The following CR1 variants were observed in gnomAD, a reference collection of about 807,000 sequenced individuals.
CR1 encodes complement C3b/C4b receptor 1 (Knops blood group).
A neutral mutation model predicts 187.3 loss-of-function variants in CR1; 116 were observed. The ratio of observed to expected loss-of-function variants is 0.62; its 90% CI spans 0.53 to 0.72. The LOEUF (loss-of-function observed/expected upper bound fraction) is 0.72. CR1 is among the 30% of genes least tolerant of loss of function. CR1 has a pLI of 0.00. For synonymous variants in CR1, 576 were observed against 747.1 expected, an observed-to-expected ratio of 0.77 and a Z score of 3.73; for missense variants, 1,731 against 2,110.7, an observed-to-expected ratio of 0.82 and a Z score of 3.52.
chr1:207,505,341 T>G (rs2102335179), intron 1 of CR1, among the ~76,000 whole-genome samples: 1 of 151,474 alleles, frequency 6.6e-6, no homozygotes, highest in East Asian at 1.9e-4. Context: ...CTTTTTGTAT[T>G]TTGGGAGAGG....
intron 35 of CR1, among the ~76,000 whole-genome samples, chr1:207,601,634 G>A (rs951335860): frequency 2.0e-5 from 3 of 152,118 alleles, no homozygotes; most frequent in African/African-American, 7.2e-5. Flanking sequence ...AGGGGCTGAA[G>A]TCAGTTTGAT....
Position 207,609,373 on chromosome 1 carries a change from G to T in CR1, c.5980G>T (p.Val1994Leu). 6.2e-7 allele frequency: 1 copy of T among 1,613,968 alleles called. No homozygotes were observed. The highest frequency in any genetic ancestry group is 8.5e-7 in the Non-Finnish European group (1 of 1,179,888). Reference sequence around the variant, plus strand: ...AACATCTTTTCACAATGGAACGGTGGTAACTTACCAGTGCCACACTGGACC... The same window carrying T: ...AACATCTTTTCACAATGGAACGGTGTTAACTTACCAGTGCCACACTGGACC... ...NRTSFHNGTV[V>L]TYQCHTGPDG... is the part of the protein sequence containing the mutation. Residue 1994 changes from valine (V) to leucine (L), a missense_variant, in exon 37 of 47, where the codon GTA becomes TTA. By Grantham distance (32) the Val-to-Leu change is conservative. Transcript: ENST00000367049.
At position 207,587,606 on chromosome 1, in the gene CR1, A is replaced by C. The variant is rs759122603; in HGVS notation, c.5710+41A>C. The stretch of plus-strand genomic sequence containing the variant: ...CTGGGAACTACTTCATGTCTGTTAA[A>C]GCATAGGTGGGACCGGGCTTGGTGG... On this transcript the variant is annotated intron_variant, in intron 34 of 46. Coordinates refer to ENST00000367049, the MANE Select transcript of CR1 (RefSeq NM_000651.6). 1.9e-6 allele frequency: 3 copies of C among 1,581,222 alleles called. No homozygotes were observed. In the South Asian group the frequency reaches 3.4e-5, roughly 18 times the overall value.
intron 32 of CR1, among the ~76,000 whole-genome samples, chr1:207,582,886 G>A (rs1661000322): frequency 6.6e-6 from 1 of 152,234 alleles, no homozygotes; most frequent in African/African-American, 2.4e-5. Context: ...GGGACTGCAT[G>A]AAGTTTGGGA....
At chr1:207,626,761 G>A (rs1662491599) in intron 45 of CR1, among the ~76,000 whole-genome samples, 1 of 152,214 alleles carries the variant, frequency 6.6e-6, no homozygotes, top group African/African-American at 2.4e-5. Context: ...AATGAGGCTG[G>A]GTGCGATGGC....
intron 1 of CR1, among the ~76,000 whole-genome samples, chr1:207,503,025 C>A (rs1172542691): frequency 1.3e-5 from 2 of 152,144 alleles, no homozygotes; most frequent in African/African-American, 4.8e-5. Context: ...CTCTTGGAAG[C>A]AAAGCAAGCA....
chr1:207,630,309 T>C (rs957724286), intron 45 of CR1, among the ~76,000 whole-genome samples: 12 of 152,230 alleles, frequency 7.9e-5, no homozygotes, highest in African/African-American at 2.2e-4. Flanking sequence ...AAATATAGGA[T>C]GATTTTAGTA....
At chr1:207,580,706 G>T in intron 31 of CR1, 93 bp downstream of exon 31, 1 of 1,161,108 alleles carries the variant, frequency 8.6e-7, no homozygotes, top group Non-Finnish European at 1.2e-6. Context: ...TGACCTAGGA[G>T]AAGAAGAATC....
At chr1:207,497,053 A>T (rs1439568727) in intron 1 of CR1, among the ~76,000 whole-genome samples, 2 of 152,210 alleles carry the variant, frequency 1.3e-5, no homozygotes, top group Non-Finnish European at 2.9e-5. Flanking sequence ...CCCCACACCA[A>T]GCCACCACGG....
intron 46 of CR1, among the ~76,000 whole-genome samples, chr1:207,633,594 T>C (rs1232808800): frequency 6.6e-6 from 1 of 152,272 alleles, no homozygotes; most frequent in Non-Finnish European, 1.5e-5. Flanking sequence ...CCACTTACAA[T>C]GTGCCATACA....
intron 4 of CR1, among the ~76,000 whole-genome samples, chr1:207,522,614 G>A (rs1404244909): frequency 6.6e-6 from 1 of 152,164 alleles, no homozygotes; most frequent in Non-Finnish European, 1.5e-5. Context: ...TCACTAGTTT[G>A]TTAGCTTTCT....
rs761637384 is a variant in CR1, at chr1:207,578,161, G to A, written c.4894G>A (p.Ala1632Thr). ...MKGPRRVKCQALNKWEPELPS... is the reference protein window; with the variant it reads ...MKGPRRVKCQTLNKWEPELPS... ...AGGACCCCGCCGTGTGAAGTGCCAG[G>A]CCCTGAACAAATGGGAGCCAGAGTT... is the stretch of plus-strand genomic sequence containing the variant. The change falls in exon 29 of 47, where the codon GCC (alanine) becomes ACC (threonine). Residue 1632 changes from alanine to threonine, a missense_variant. Around this residue, in one of 5 missense-constraint regions of CR1, gnomAD observed 1,312 missense variants for 1,379.6 expected, o/e 0.95. Transcript: ENST00000367049. 9.3e-6 allele frequency: 15 copies of A among 1,611,860 alleles called. No homozygotes were observed. Among genetic ancestry groups the A allele is most frequent in the Admixed American group, 3.3e-5 (2 of 60,010 alleles).
At chr1:207,588,815 C>T (rs1571565297) in intron 35 of CR1, 41 bp downstream of exon 35, 1 of 1,380,096 alleles carries the variant, frequency 7.2e-7, no homozygotes, top group South Asian at 1.2e-5. Context: ...AGTTCCAGAA[C>T]AGCAGAGCCA....
chr1:207,626,496 C>T (rs1366223339), intron 45 of CR1, among the ~76,000 whole-genome samples: 1 of 152,052 alleles, frequency 6.6e-6, no homozygotes, highest in African/African-American at 2.4e-5. Context: ...GGCCTCATGG[C>T]AAAGAAGAAG....
intron 39 of CR1, among the ~76,000 whole-genome samples, chr1:207,612,383 A>G (rs1426972372): frequency 6.6e-6 from 1 of 152,218 alleles, no homozygotes; most frequent in East Asian, 1.9e-4. Flanking sequence ...GATGAATAAG[A>G]CAAAAATTGT....
chr1:207,599,897 T>C (rs972390928), intron 35 of CR1, among the ~76,000 whole-genome samples: 3 of 152,208 alleles, frequency 2.0e-5, no homozygotes, highest in Non-Finnish European at 4.4e-5. Context: ...TACAATTACG[T>C]TGTTAAATTT....
rs746537739 is a variant in CR1, at chr1:207,619,730, T to C, written c.7067-150T>C. Reference sequence around the variant, plus strand: ...TCAGGAAATGTTAAATCATAAGGTTTTTGGAGGAGGAAGATTAGTAACATG... The same window carrying C: ...TCAGGAAATGTTAAATCATAAGGTTCTTGGAGGAGGAAGATTAGTAACATG... On this transcript the variant is annotated intron_variant, in intron 42 of 46. Transcript: ENST00000367049. 6.3e-6 allele frequency: 4 copies of C among 633,522 alleles called. No individual in the cohort carries two copies. In the South Asian group the frequency reaches 7.8e-5, roughly 12 times the overall value. The allele number at this position is 633,522 out of a possible 1,614,324, so 39.2% of individuals were successfully genotyped here. A position where few individuals can be genotyped will look rare whatever the true frequency, so the allele number is the denominator to read the frequency against.
intron 35 of CR1, among the ~76,000 whole-genome samples, chr1:207,597,411 A>G (rs1661480006): frequency 6.6e-6 from 1 of 152,102 alleles, no homozygotes; most frequent in African/African-American, 2.4e-5. Context: ...TGCACTGAAA[A>G]CTCAGTAACT....
intron 31 of CR1, 59 bp from the exon 32 acceptor site, chr1:207,581,859 G>A (rs1660964949): frequency 3.3e-6 from 4 of 1,195,096 alleles, no homozygotes; most frequent in South Asian, 2.5e-5. Context: ...GTTGAGATCT[G>A]TCACGAAGGG....
Sources: allele counts gnomAD v4.1 joint callset (sites outside exome capture counted in the v4.1 genomes callset), GRCh38; gene constraint gnomAD v4.1.1; regional missense constraint gnomAD v4.1.1; transcripts MANE v1.5; gene names NCBI Gene and HGNC (gene_info 2026-07-23, HGNC 2026-07-21).